Variants in ASNS observed in about 807,000 individuals in gnomAD.
ASNS encodes asparagine synthetase [glutamine-hydrolyzing].
Under a neutral mutation model 62.6 loss-of-function variants are expected in ASNS, and 37 were observed. The observed-to-expected ratio is 0.59, with a 90% CI of 0.45 to 0.78. The LOEUF is 0.78. Ranked by LOEUF, ASNS falls within the 30% of genes least tolerant of loss-of-function variation. The pLI, the probability that ASNS is intolerant of heterozygous loss-of-function variation, is 0.00. For synonymous variants in ASNS, 207 were observed against 237.9 expected (o/e 0.87, Z 1.19); for missense variants, 520 against 682.4 (o/e 0.76, Z 2.65).
chr7:97,925,644 G>A, the ASNS span, among the ~76,000 whole-genome samples: 2 of 152,168 alleles, frequency 1.3e-5, no homozygotes, highest in African/African-American at 4.8e-5. Context: ...TACCTGCAAC[G>A]TGGATGCACC....
At chr7:97,885,049 C>A in the ASNS span, among the ~76,000 whole-genome samples, 57 of 152,238 alleles carry the variant, frequency 3.7e-4, no homozygotes, top group African/African-American at 1.2e-3. Flanking sequence ...TGTGTCACCA[C>A]GCCCATCTAA....
At chr7:97,900,936 C>T in the ASNS span, among the ~76,000 whole-genome samples, 1 of 152,178 alleles carries the variant, frequency 6.6e-6, no homozygotes, top group South Asian at 2.1e-4. Flanking sequence ...TCCAATTCCA[C>T]ATAGTCCAAA....
chr7:97,896,886 T>G, the ASNS span, among the ~76,000 whole-genome samples: 1 of 150,236 alleles, frequency 6.7e-6, no homozygotes, highest in East Asian at 2.0e-4. Context: ...TAACTGATTT[T>G]CAAGAAAGCT....
chr7:97,865,410 T>C (rs7810919), intron 3 of ASNS, among the ~76,000 whole-genome samples: 113,007 of 152,154 alleles, frequency 0.74, 43,214 homozygotes, highest in African/African-American at 0.93. Flanking sequence ...TCCTCTGAGA[T>C]TGAAGAGGCA....
rs1226533819 is a variant in ASNS at position 97,855,346 on chromosome 7, T to G, written c.1137+7A>C. The G allele has an allele frequency of 4.4e-6, 7 of 1,589,962 alleles. No individual in the cohort carries two copies. The African/African-American group carries it at 8.1e-5, about 18-fold the overall frequency. Reference sequence around the variant, plus strand: ...GCATGAATATCCCTCCACTTCAGAGTGGTTACCTTGTGAAAATATATGTAA... The same window carrying G: ...GCATGAATATCCCTCCACTTCAGAGGGGTTACCTTGTGAAAATATATGTAA... On this transcript the variant is annotated splice_region_variant and intron_variant, in intron 9 of 12. Coordinates refer to ENST00000394308, the MANE Select transcript of ASNS (RefSeq NM_001673.5).
chr7:97,888,765 A>T, the ASNS span, among the ~76,000 whole-genome samples: 2 of 152,274 alleles, frequency 1.3e-5, no homozygotes, highest in South Asian at 4.1e-4. Context: ...TATTAATAGG[A>T]CATACACTCA....
Position 97,868,091 on chromosome 7 carries a change from T to C in ASNS, c.249+817A>G, listed in dbSNP as rs146767917. On this transcript the variant is annotated intron_variant, in intron 3 of 12. Transcript: ENST00000394308. The stretch of plus-strand genomic sequence containing the variant: ...GAGAGGTCAAGGTGGGCAGATTACC[T>C]GAGCTCAGGAGTTCCAGACCACCCT... 3.4e-3 allele frequency among the ~76,000 whole-genome samples: 520 copies of C among 152,298 alleles called. 5 individuals are homozygous for C. Among genetic ancestry groups the C allele is most frequent in the African/African-American group, 0.012 (493 of 41,564 alleles).
chr7:97,923,298 ATTT>A, the ASNS span, among the ~76,000 whole-genome samples: 1 of 151,456 alleles, frequency 6.6e-6, no homozygotes. Context: ...AAAAATTAAT[ATTT>A]AAAAATGGTC....
At chr7:97,864,541 T>C (rs766286266) in intron 3 of ASNS, 45 bp from the exon 4 acceptor site, 1 of 1,323,172 alleles carries the variant, frequency 7.6e-7, no homozygotes, top group African/African-American at 1.4e-5. Flanking sequence ...TCCTTGTACA[T>C]TCACTAATAA....
chr7:97,884,323 TG>T, the ASNS span, among the ~76,000 whole-genome samples: 1 of 152,226 alleles, frequency 6.6e-6, no homozygotes, highest in Non-Finnish European at 1.5e-5. Flanking sequence ...CTGAGGCGGC[TG>T]GATCACCTGA....
chr7:97,902,916 G>T, the ASNS span, among the ~76,000 whole-genome samples: 9 of 152,084 alleles, frequency 5.9e-5, no homozygotes, highest in African/African-American at 2.2e-4. Context: ...CTCAGATGGG[G>T]CTATTTTGCC....
chr7:97,868,746 T>C (rs78060746), intron 3 of ASNS, among the ~76,000 whole-genome samples, 162 bp downstream of exon 3: 1 of 152,202 alleles, frequency 6.6e-6, no homozygotes, highest in African/African-American at 2.4e-5. Context: ...TTCACTCACC[T>C]TTTTATTCAT....
rs116369562 is a variant in ASNS, at chr7:97,857,314, G to A, written c.904-498C>T. 7.7e-3 allele frequency among the ~76,000 whole-genome samples: 1,169 copies of A among 152,098 alleles called. 16 individuals are homozygous for A. The highest frequency in any genetic ancestry group is 0.018 in the African/African-American group (746 of 41,464). Reference sequence around the variant, plus strand: ...TCTAGCTTTTTCTCATCCATGCTACGAAAGTCCTCCATAGTGGGAACTAGG... The same window carrying A: ...TCTAGCTTTTTCTCATCCATGCTACAAAAGTCCTCCATAGTGGGAACTAGG... On this transcript the variant is annotated intron_variant, in intron 7 of 12. Transcript: ENST00000394308.
chr7:97,916,708 G>T, the ASNS span, among the ~76,000 whole-genome samples: 1 of 152,326 alleles, frequency 6.6e-6, no homozygotes, highest in Middle Eastern at 3.4e-3. Flanking sequence ...TTTCTGGAAG[G>T]GGGAGGCGGT....
the ASNS span, among the ~76,000 whole-genome samples, chr7:97,896,162 T>C: frequency 0.84 from 127,135 of 151,932 alleles, 53,721 homozygotes; most frequent in East Asian, 0.92. Flanking sequence ...TAATCCCTAT[T>C]AATTATATTC....
the ASNS span, among the ~76,000 whole-genome samples, chr7:97,914,588 C>T: frequency 6.5e-4 from 99 of 152,304 alleles, no homozygotes; most frequent in African/African-American, 2.2e-3. Context: ...ATCAAGACTT[C>T]CCCAATCATG....
intron 3 of ASNS, among the ~76,000 whole-genome samples, chr7:97,865,603 A>G (rs1020459920): frequency 2.0e-5 from 3 of 152,174 alleles, no homozygotes; most frequent in African/African-American, 7.2e-5. Flanking sequence ...CTATACCTTT[A>G]TACTACAGTC....
the ASNS span, among the ~76,000 whole-genome samples, chr7:97,889,951 A>ACAAAAAAAAAAAAAAC: frequency 7.5e-6 from 1 of 133,246 alleles, no homozygotes; most frequent in Non-Finnish European, 1.6e-5. Flanking sequence ...AAAAAAAAAA[A>ACAAAAAAAAAAAAAAC]CCAAACAGGA....
chr7:97,852,024 T>C lies in ASNS; in HGVS notation c.*235A>G. On this transcript the variant is annotated 3_prime_UTR_variant, in exon 13 of 13. Coordinates refer to ENST00000394308, the MANE Select transcript of ASNS (RefSeq NM_001673.5). The stretch of plus-strand genomic sequence containing the variant: ...TGAGTTCTTGCAGACATCTGATCAT[T>C]TTCCCTTTTCCTAGCTTACCCTCCA... 1 of 520,582 alleles carries C rather than the reference T, an allele frequency of 1.9e-6. No homozygotes were observed. The highest frequency in any genetic ancestry group is 3.4e-6 in the Non-Finnish European group (1 of 291,700). The allele number at this position is 520,582 out of a possible 1,614,324, so 32.2% of individuals were successfully genotyped here.
Sources: allele counts gnomAD v4.1 joint callset (sites outside exome capture counted in the v4.1 genomes callset), GRCh38; gene constraint gnomAD v4.1.1; transcripts MANE v1.5; gene names NCBI Gene and HGNC (gene_info 2026-07-23, HGNC 2026-07-21).